The following TAT variants were observed in gnomAD, a reference collection of about 807,000 sequenced individuals.
TAT encodes the protein tyrosine aminotransferase, also known as L-tyrosine:2-oxoglutarate aminotransferase.
Under a neutral mutation model 53.6 loss-of-function variants are expected in TAT, and 35 were observed. That is an observed-to-expected ratio of 0.65 (90% CI 0.50 to 0.87). The LOEUF (loss-of-function observed/expected upper bound fraction) is 0.87. Among genes scored for constraint, TAT ranks in the 40% least tolerant of loss-of-function variants. TAT has a pLI of 0.00. For missense variants in TAT, 525 were observed against 571.8 expected (o/e 0.92, Z 0.83); for synonymous variants, 197 against 206.5 (o/e 0.95, Z 0.39).
Position 71,569,878 on chromosome 16 carries a change from G to A in TAT, c.1101C>T (p.Arg367=). Residue 367 remains arginine (R), a synonymous_variant, in exon 10 of 12, where the codon CGC becomes CGT. Coordinates refer to ENST00000355962, the MANE Select transcript of TAT (RefSeq NM_000353.3). ...CCATGAGGTACATAGCCCCAGAAGG[G>A]CGGACTGGCCGGAGTCCAGGGATGG... The part of the protein sequence containing the change: ...LAAIPGLRPV[R]PSGAMYLMVG... The A allele has an allele frequency of 6.2e-7, 1 of 1,613,986 alleles. No individual in the cohort carries two copies. Among genetic ancestry groups the A allele is most frequent in the South Asian group, 1.1e-5 (1 of 90,974 alleles).
At chr16:71,572,445 G>A in intron 5 of TAT, 85 bp downstream of exon 5, 1 of 1,607,346 alleles carries the variant, frequency 6.2e-7, no homozygotes, top group South Asian at 1.1e-5. Context: ...ACCACTTTGA[G>A]ACCTTCCTCT....
intron 6 of TAT, 118 bp downstream of exon 6, chr16:71,572,068 G>A: frequency 7.6e-7 from 1 of 1,312,450 alleles, no homozygotes; most frequent in Non-Finnish European, 1.1e-6. Context: ...GACATCAGTG[G>A]AGCTCCCCAC....
At position 71,572,166 on chromosome 16, in the gene TAT, G is replaced by A; in HGVS notation, c.706+20C>T. The A allele has an allele frequency of 1.9e-6, 3 of 1,614,006 alleles. No individual in the cohort carries two copies. Among genetic ancestry groups the A allele is most frequent in the Middle Eastern group, 3.3e-4 (2 of 6,058 alleles). ...GGATTCTGTCCCCACCTCGTCCTCT[G>A]TGAAGTCTGCTGGACGTACCTGCCA... On this transcript the variant is annotated intron_variant, in intron 6 of 11. Transcript: ENST00000355962.
intron 8 of TAT, 72 bp downstream of exon 8, chr16:71,570,607 C>G (rs2044195852): frequency 1.2e-6 from 2 of 1,607,388 alleles, no homozygotes; most frequent in Admixed American, 3.4e-5. Flanking sequence ...AAAAAAGCCT[C>G]CCTTGTCCCC....
intron 10 of TAT, among the ~76,000 whole-genome samples, chr16:71,569,494 G>A (rs1013050972): frequency 2.6e-5 from 4 of 152,078 alleles, no homozygotes; most frequent in Non-Finnish European, 4.4e-5. Flanking sequence ...GTGCCACCAC[G>A]CCCAGCTCAT....
rs368243910 is a variant in TAT at position 71,576,189 on chromosome 16, A to G, written c.227T>C (p.Leu76Pro). The change falls in exon 2 of 12, where the codon CTG (leucine) becomes CCG (proline). Residue 76 changes from leucine (L) to proline (P), a missense_variant. By Grantham distance (98) the Leu-to-Pro change is moderately conservative (BLOSUM62 -3). Transcript: ENST00000355962. ...TAGTGTCCCCAACTCACCAATGGAC[A>G]GGGAAATCATGGTTTTGTTTGGATT... ...KPNPNKTMIS[L>P]SIGDPTVFGN... 4.3e-6 allele frequency: 7 copies of G among 1,614,014 alleles called. No individual in the cohort carries two copies. Among genetic ancestry groups the G allele is most frequent in the Non-Finnish European group, 5.9e-6 (7 of 1,179,926 alleles).
intron 1 of TAT, 45 bp from the exon 2 acceptor site, chr16:71,576,472 TG>T: frequency 1.3e-6 from 2 of 1,532,274 alleles, no homozygotes; most frequent in Admixed American, 3.4e-5. Context: ...AACATAGCGC[TG>T]GGGGACAGAG....
Position 71,567,952 on chromosome 16 carries a change from C to G in TAT, c.*192G>C. ...CTAGCAGCGCAGAGCAAGGGAGAAT[C>G]TGCGATGTGAATGAGGAGGATCTGA... is the stretch of plus-strand genomic sequence containing the variant. On this transcript the variant is annotated 3_prime_UTR_variant, in exon 12 of 12. Coordinates refer to ENST00000355962, the MANE Select transcript of TAT (RefSeq NM_000353.3). 1.5e-6 allele frequency: 1 copy of G among 651,788 alleles called. No individual in the cohort carries two copies. 40.4% of individuals were successfully genotyped at this position (651,788 alleles called of 1,614,324 possible).
chr16:71,575,927 G>A lies in TAT; in HGVS notation c.335C>T (p.Ser112Phe). ...GAGTCTCAGGAGGAGCTTACCGATG[G>A]ATGGGGCATAGCCATTATATTTGCC... ...DSGKYNGYAP[S>F]IGFLSSREEI... Residue 112 changes from serine (S) to phenylalanine (F), a missense_variant, in exon 3 of 12, where the codon TCC becomes TTC. Ser to Phe is a radical substitution (Grantham distance 155, BLOSUM62 -2). Coordinates refer to ENST00000355962, the MANE Select transcript of TAT (RefSeq NM_000353.3). 6.2e-7 allele frequency: 1 copy of A among 1,614,164 alleles called. No individual in the cohort carries two copies. Among genetic ancestry groups the A allele is most frequent in the South Asian group, 1.1e-5 (1 of 91,082 alleles).
Position 71,566,173 on chromosome 16 carries a change from G to T in TAT, c.*1971C>A, listed in dbSNP as rs1246432789. 2 of 152,122 alleles carry T rather than the reference G, an allele frequency of 1.3e-5. No individual in the cohort carries two copies. The highest frequency in any genetic ancestry group is 4.8e-5 in the African/African-American group (2 of 41,412). The allele number at this position is 152,122 out of a possible 1,614,324, so 9.4% of individuals were successfully genotyped here. A position where few individuals can be genotyped will look rare whatever the true frequency, so the allele number is the denominator to read the frequency against. On this transcript the variant is annotated 3_prime_UTR_variant, in exon 12 of 12. Coordinates refer to ENST00000355962, the MANE Select transcript of TAT (RefSeq NM_000353.3). ...ATCTAATCTCATCCTTTGTATATTC[G>T]TCTTGGATTTGCTGAAGAAAATTAA...
At position 71,567,786 on chromosome 16, in the gene TAT, A is replaced by G. The variant is rs1473621191; in HGVS notation, c.*358T>C. 3.1e-6 allele frequency: 1 copy of G among 326,140 alleles called. No homozygotes were observed. The highest frequency in any genetic ancestry group is 4.4e-5 in the Admixed American group (1 of 22,834). The allele number at this position is 326,140 out of a possible 1,614,324, so 20.2% of individuals were successfully genotyped here. A position where few individuals can be genotyped will look rare whatever the true frequency, so the allele number is the denominator to read the frequency against. Reference sequence around the variant, plus strand: ...ATGGTTGGGGGCACAAATTCTCTCAATCTTTTTCTTTTCCCTCATCCTGAG... The same window carrying G: ...ATGGTTGGGGGCACAAATTCTCTCAGTCTTTTTCTTTTCCCTCATCCTGAG... On this transcript the variant is annotated 3_prime_UTR_variant, in exon 12 of 12. Transcript: ENST00000355962.
intron 3 of TAT, 141 bp from the exon 4 acceptor site, chr16:71,573,747 T>A: frequency 1.4e-6 from 1 of 736,728 alleles, no homozygotes; most frequent in Non-Finnish European, 2.4e-6. Flanking sequence ...CCTCCCACCT[T>A]AGCCTCCTGA....
Position 71,568,776 on chromosome 16 carries a change from C to T in TAT, c.1159G>A (p.Glu387Lys). ...CGCTCCGTGAACTCCACATCGTTCT[C>T]AAATTCTGGGAAATGTTCCATCTCA... is the stretch of plus-strand genomic sequence containing the variant. The part of the protein sequence containing the change: ...GIEMEHFPEF[E>K]NDVEFTERLV... The change falls in exon 11 of 12, where the codon GAG becomes AAG. Residue 387 changes from glutamate to lysine, a missense_variant. By Grantham distance (56) the Glu-to-Lys change is moderately conservative. Coordinates refer to ENST00000355962, the MANE Select transcript of TAT (RefSeq NM_000353.3). 2 of 1,614,004 alleles carry T rather than the reference C, an allele frequency of 1.2e-6. No individual in the cohort carries two copies. The highest frequency in any genetic ancestry group is 1.7e-6 in the Non-Finnish European group (2 of 1,180,014).
chr16:71,575,742 G>A, intron 3 of TAT, 180 bp downstream of exon 3: 5 of 682,940 alleles, frequency 7.3e-6, no homozygotes, highest in Non-Finnish European at 1.3e-5. Context: ...GTTGGACCTT[G>A]ATGCCTTGTA....
At chr16:71,568,991 A>G (rs780381898) in intron 10 of TAT, among the ~76,000 whole-genome samples, 182 bp from the exon 11 acceptor site, 8 of 152,228 alleles carry the variant, frequency 5.3e-5, no homozygotes, top group Non-Finnish European at 1.0e-4. Flanking sequence ...ATATATTTTT[A>G]TTAATAAATA....
At chr16:71,570,431 C>T in intron 8 of TAT, 34 bp from the exon 9 acceptor site, 1 of 1,614,138 alleles carries the variant, frequency 6.2e-7, no homozygotes, top group Non-Finnish European at 8.5e-7. Context: ...TGTTGTTTAG[C>T]TTTTCTTAAG....
At chr16:71,572,063 C>A in intron 6 of TAT, 123 bp downstream of exon 6, 3 of 1,208,258 alleles carry the variant, frequency 2.5e-6, no homozygotes, top group Non-Finnish European at 3.7e-6. Flanking sequence ...TGAGAGACAT[C>A]AGTGGAGCTC....
At chr16:71,570,956 T>A in intron 7 of TAT, 125 bp from the exon 8 acceptor site, 1 of 1,192,044 alleles carries the variant, frequency 8.4e-7, no homozygotes, top group Non-Finnish European at 1.2e-6. Flanking sequence ...GGATCATCCC[T>A]ACCCTGAAGC....
chr16:71,572,787 CT>C, intron 4 of TAT, 99 bp from the exon 5 acceptor site: 3 of 1,370,748 alleles, frequency 2.2e-6, no homozygotes, highest in Non-Finnish European at 2.0e-6. Context: ...TGTGAACTTC[CT>C]TTAACAAGTT....
Sources: gnomAD v4.1 joint callset for allele counts (sites outside exome capture counted in the v4.1 genomes callset) on GRCh38, gnomAD v4.1.1 for gene constraint, MANE v1.5 for transcripts, NCBI Gene and HGNC (gene_info 2026-07-23, HGNC 2026-07-21) for gene names.